The following FAM178B variants were observed in gnomAD, a reference collection of about 807,000 sequenced individuals.
FAM178B encodes the protein family with sequence similarity 178 member B.
FAM178B carries 82 observed loss-of-function variants against 91.7 expected under a neutral mutation model. That is an observed-to-expected ratio of 0.89 (90% confidence interval 0.75 to 1.07). The LOEUF (loss-of-function observed/expected upper bound fraction) is 1.07. Among genes scored for constraint, FAM178B ranks in the 50% least tolerant of loss-of-function variants. The pLI, the probability that FAM178B is intolerant of heterozygous loss-of-function variation, is 0.00. For missense variants in FAM178B, 769 were observed against 846.7 expected, an observed-to-expected ratio of 0.91 and a Z score of 1.14; for synonymous variants, 368 against 359.4, an observed-to-expected ratio of 1.02 and a Z score of -0.27.
intron 1 of FAM178B, among the ~76,000 whole-genome samples, chr2:96,984,829 G>A (rs2082403614): frequency 6.6e-6 from 1 of 152,164 alleles, no homozygotes; most frequent in South Asian, 2.1e-4. Context: ...CAACAAAAGG[G>A]TGCAGGCTGA....
chr2:96,939,474 C>T (rs547411474), intron 8 of FAM178B, among the ~76,000 whole-genome samples: 8 of 152,044 alleles, frequency 5.3e-5, no homozygotes, highest in East Asian at 1.9e-4. Flanking sequence ...CTGGCCTGGG[C>T]GACAGAGTGA....
At chr2:96,921,977 G>C (rs1334046637) in intron 10 of FAM178B, among the ~76,000 whole-genome samples, 1 of 152,114 alleles carries the variant, frequency 6.6e-6, no homozygotes. Context: ...AGGTTGGCAC[G>C]ATACAGCTCA....
chr2:96,981,712 G>A lies in FAM178B; in HGVS notation c.73+4529C>T, dbSNP rs190552635. ...GCCGAGATGGCGCCACTGCACTATA[G>A]CCTGGGTGACAGAGTGAGACTCCGT... On this transcript the variant is annotated intron_variant, in intron 1 of 16. Transcript: ENST00000490605. Among the ~76,000 whole-genome samples, 7 of 139,798 alleles carry A rather than the reference G, an allele frequency of 5.0e-5. 1 individual carries two copies. The highest frequency in any genetic ancestry group is 1.9e-4 in the African/African-American group (7 of 37,346). 91.7% of individuals were successfully genotyped at this position (139,798 alleles called of 152,430 possible).
At chr2:96,960,581 C>A in intron 5 of FAM178B, 141 bp from the exon 6 acceptor site, 1 of 997,358 alleles carries the variant, frequency 1.0e-6, no homozygotes, top group Non-Finnish European at 1.4e-6. Context: ...GGGACAGCGC[C>A]ACCTGCTGAT....
intron 12 of FAM178B, among the ~76,000 whole-genome samples, chr2:96,914,978 C>T (rs969958575): frequency 6.6e-6 from 1 of 150,424 alleles, no homozygotes; most frequent in Non-Finnish European, 1.5e-5. Flanking sequence ...TGATGTGGGG[C>T]AGGGGTGGGG....
intron 12 of FAM178B, among the ~76,000 whole-genome samples, chr2:96,919,011 C>A (rs553889363): frequency 1.3e-5 from 2 of 152,156 alleles, no homozygotes; most frequent in African/African-American, 2.4e-5. Flanking sequence ...CCCTTAAAAG[C>A]GACAGGAATT....
intron 14 of FAM178B, among the ~76,000 whole-genome samples, chr2:96,889,384 T>C (rs749666474): frequency 1.3e-5 from 2 of 151,980 alleles, no homozygotes; most frequent in African/African-American, 2.4e-5. Context: ...ACCTCATCAA[T>C]AGAACATCAG....
At chr2:96,906,997 G>A (rs572686982) in intron 12 of FAM178B, among the ~76,000 whole-genome samples, 32 of 152,310 alleles carry the variant, frequency 2.1e-4, no homozygotes, top group Admixed American at 7.2e-4. Flanking sequence ...CAGGCAGGCC[G>A]GCAAAGCAGT....
chr2:96,904,120 ACCCC>A (rs2080985693), intron 12 of FAM178B, among the ~76,000 whole-genome samples: 1 of 150,884 alleles, frequency 6.6e-6, no homozygotes, highest in Non-Finnish European at 1.5e-5. Context: ...GTAGATGCCC[ACCCC>A]ATGCCCAGCA....
intron 12 of FAM178B, among the ~76,000 whole-genome samples, chr2:96,912,263 A>T (rs1380139087): frequency 6.6e-6 from 1 of 152,052 alleles, no homozygotes; most frequent in Non-Finnish European, 1.5e-5. Context: ...CTGCCAAGGA[A>T]GGGGCCCAGC....
At chr2:96,907,048 G>A (rs954140321) in intron 12 of FAM178B, among the ~76,000 whole-genome samples, 2 of 152,142 alleles carry the variant, frequency 1.3e-5, no homozygotes, top group African/African-American at 4.8e-5. Flanking sequence ...GGCAGGGTGG[G>A]TCAGGATGGG....
At chr2:96,935,613 C>A (rs1574272767) in intron 8 of FAM178B, among the ~76,000 whole-genome samples, 1 of 150,894 alleles carries the variant, frequency 6.6e-6, no homozygotes, top group Non-Finnish European at 1.5e-5. Flanking sequence ...CTATCAGATT[C>A]TCTCCCAGTT....
chr2:96,905,834 A>ATATATG (rs1553498351), intron 12 of FAM178B, among the ~76,000 whole-genome samples: 1 of 23,026 alleles, frequency 4.3e-5, no homozygotes, highest in East Asian at 7.4e-4. Context: ...ATATATATAT[A>ATATATG]TATATATATA....
chr2:96,961,417 G>C (rs2082080340), intron 5 of FAM178B, among the ~76,000 whole-genome samples: 1 of 151,982 alleles, frequency 6.6e-6, no homozygotes, highest in Non-Finnish European at 1.5e-5. Flanking sequence ...CCCAGCATAT[G>C]ACATATCCCA....
chr2:96,977,398 A>AG (rs1343869302), intron 1 of FAM178B, among the ~76,000 whole-genome samples: 3 of 150,070 alleles, frequency 2.0e-5, no homozygotes, highest in Non-Finnish European at 4.4e-5. Context: ...AAAAAAAAAA[A>AG]AAAAAGAAAA....
In FAM178B at chr2:96,972,239, G is replaced by A. The variant is rs1185268094; in HGVS notation, c.226C>T (p.Arg76Cys). The change falls in exon 3 of 17, where the codon CGC (arginine) becomes TGC (cysteine). Residue 76 changes from arginine to cysteine, a missense_variant. By Grantham distance (180) the Arg-to-Cys change is radical. Coordinates refer to ENST00000490605, the MANE Select transcript of FAM178B (RefSeq NM_001122646.3). ...LSDHPLDQGP[R>C]CPARRPCSPA... ...CTGCAGGGCCGCCGGGCAGGGCAGCGGGGCCCCTGGTCCAGGGGATGGTCT... is the reference window on the plus strand; with the variant it reads ...CTGCAGGGCCGCCGGGCAGGGCAGCAGGGCCCCTGGTCCAGGGGATGGTCT... The A allele has an allele frequency of 3.1e-5, 48 of 1,524,058 alleles. No homozygotes were observed. The highest frequency in any genetic ancestry group is 1.7e-4 in the Middle Eastern group (1 of 5,726). 94.4% of individuals were successfully genotyped at this position (1,524,058 alleles called of 1,614,324 possible).
chr2:96,955,287 G>A (rs2081983319), intron 6 of FAM178B, among the ~76,000 whole-genome samples: 1 of 152,140 alleles, frequency 6.6e-6, no homozygotes, highest in Admixed American at 6.5e-5. Flanking sequence ...AAGGTGGGAA[G>A]ATCATGAGGT....
chr2:96,954,913 T>C (rs2081977428), intron 6 of FAM178B, among the ~76,000 whole-genome samples: 1 of 152,012 alleles, frequency 6.6e-6, no homozygotes, highest in African/African-American at 2.4e-5. Context: ...TAGCTAAGCA[T>C]GGTAGTGCAC....
rs72942934 is a variant in FAM178B at position 96,918,224 on chromosome 2, A to G, written c.1562+2941T>C. On this transcript the variant is annotated intron_variant, in intron 12 of 16. Transcript: ENST00000490605. The stretch of plus-strand genomic sequence containing the variant: ...TCCAGTTCACTGAAAGGTACCATAC[A>G]TAAAGATTTAAAAAGGACAATCTAT... Among the ~76,000 whole-genome samples the G allele has an allele frequency of 8.8e-3, 1,335 of 152,288 alleles. 19 individuals are homozygous for G. The highest frequency in any genetic ancestry group is 0.03 in the African/African-American group (1,253 of 41,558).
Sources: gnomAD v4.1 joint callset for allele counts (sites outside exome capture counted in the v4.1 genomes callset) on GRCh38, gnomAD v4.1.1 for gene constraint, MANE v1.5 for transcripts, NCBI Gene and HGNC (gene_info 2026-07-23, HGNC 2026-07-21) for gene names.